The following MYO1E variants were observed in gnomAD, a reference collection of about 807,000 sequenced individuals.
The protein encoded by MYO1E is unconventional myosin-Ie.
Under a neutral mutation model 151.1 loss-of-function variants are expected in MYO1E, and 68 were observed. The observed-to-expected ratio is 0.45, with a 90% CI of 0.37 to 0.55. The LOEUF (loss-of-function observed/expected upper bound fraction) is 0.55. MYO1E is among the 20% of genes least tolerant of loss of function. The pLI is 0.00. For synonymous variants in MYO1E, 601 were observed against 501.7 expected (o/e 1.20, Z -2.64); for missense variants, 1,363 against 1,389.3 (o/e 0.98, Z 0.30).
intron 18 of MYO1E, among the ~76,000 whole-genome samples, chr15:59,185,910 C>T (rs1295295958): frequency 2.6e-5 from 4 of 152,084 alleles, no homozygotes; most frequent in East Asian, 1.9e-4. Flanking sequence ...GGACAGACTT[C>T]GCAGCAAAGA....
chr15:59,148,975 T>C (rs2079457984), intron 26 of MYO1E, among the ~76,000 whole-genome samples: 1 of 151,662 alleles, frequency 6.6e-6, no homozygotes, highest in African/African-American at 2.4e-5. Context: ...ATTTCAGTTA[T>C]AGGAGGGAAA....
intron 2 of MYO1E, among the ~76,000 whole-genome samples, chr15:59,262,461 A>G (rs1163545052): frequency 1.3e-5 from 2 of 152,008 alleles, no homozygotes; most frequent in Non-Finnish European, 2.9e-5. Context: ...TAAAAAAACA[A>G]AAACAAAAAC....
chr15:59,304,000 T>TA (rs2080499703), intron 1 of MYO1E, among the ~76,000 whole-genome samples: 1 of 150,692 alleles, frequency 6.6e-6, no homozygotes, highest in Non-Finnish European at 1.5e-5. Context: ...TTTTTTTTTT[T>TA]AGAGGGAGTT....
rs566576202 is a variant in MYO1E at position 59,168,502 on chromosome 15, G to A, written c.2480+3395C>T. Among the ~76,000 whole-genome samples the A allele has an allele frequency of 4.6e-5, 7 of 152,132 alleles. 1 individual carries two copies. The highest frequency in any genetic ancestry group is 1.9e-4 in the East Asian group (1 of 5,178). ...CGAGGCTGCAGTGAGCCGAGATTGCGCCACTGCACTCCAGCCTGGGTGGCA... is the reference window on the plus strand; with the variant it reads ...CGAGGCTGCAGTGAGCCGAGATTGCACCACTGCACTCCAGCCTGGGTGGCA... On this transcript the variant is annotated intron_variant, in intron 22 of 27. Transcript: ENST00000288235.
intron 1 of MYO1E, among the ~76,000 whole-genome samples, chr15:59,293,150 A>T (rs2080429622): frequency 6.6e-6 from 1 of 152,190 alleles, no homozygotes; most frequent in Non-Finnish European, 1.5e-5. Flanking sequence ...TAGGAAAAGA[A>T]GGGCAACGGA....
At chr15:59,303,346 C>T (rs1025957160) in intron 1 of MYO1E, among the ~76,000 whole-genome samples, 1 of 151,934 alleles carries the variant, frequency 6.6e-6, no homozygotes, top group East Asian at 1.9e-4. Flanking sequence ...GCCAGGAGGT[C>T]GAGGCTGCAG....
chr15:59,340,946 G>C (rs1215249666), intron 1 of MYO1E, among the ~76,000 whole-genome samples: 1 of 150,104 alleles, frequency 6.7e-6, no homozygotes, highest in African/African-American at 2.5e-5. Context: ...TTGAACAGGG[G>C]AGGCAGAGGT....
chr15:59,163,239 A>G lies in MYO1E; in HGVS notation c.2545T>C (p.Phe849Leu), dbSNP rs758582151. 6 of 1,614,022 alleles carry G rather than the reference A, an allele frequency of 3.7e-6. No individual in the cohort carries two copies. The highest frequency in any genetic ancestry group is 3.3e-5 in the South Asian group (3 of 91,076). ...AAGAGGCTTAGGAATTCAGTTTTGAAGACAGATTCAAGCAAACTGTCATAC... is the reference window on the plus strand; with the variant it reads ...AAGAGGCTTAGGAATTCAGTTTTGAGGACAGATTCAAGCAAACTGTCATAC... ...QEYDSLLESV[F>L]KTEFLSLLAK... Residue 849 changes from phenylalanine (F) to leucine (L), a missense_variant, in exon 23 of 28, where the codon TTC becomes CTC. By Grantham distance (22) the Phe-to-Leu change is conservative. Coordinates refer to ENST00000288235, the MANE Select transcript of MYO1E (RefSeq NM_004998.4).
intron 1 of MYO1E, among the ~76,000 whole-genome samples, chr15:59,357,254 A>G (rs12916349): frequency 1.3e-5 from 2 of 151,936 alleles, no homozygotes; most frequent in Non-Finnish European, 2.9e-5. Flanking sequence ...ATTGGAAGTC[A>G]AGAAACAACG....
chr15:59,255,099 C>T (rs1461267601), intron 4 of MYO1E, among the ~76,000 whole-genome samples: 1 of 150,048 alleles, frequency 6.7e-6, no homozygotes, highest in African/African-American at 2.5e-5. Flanking sequence ...AGGTATAAGC[C>T]TTTTTTTTTG....
At chr15:59,199,655 T>C (rs183052804) in intron 16 of MYO1E, among the ~76,000 whole-genome samples, 4 of 152,334 alleles carry the variant, frequency 2.6e-5, no homozygotes, top group East Asian at 1.9e-4. Context: ...ATGAATATTC[T>C]ATTAGTTAAA....
intron 1 of MYO1E, among the ~76,000 whole-genome samples, chr15:59,295,485 C>T (rs2080443419): frequency 6.6e-6 from 1 of 152,178 alleles, no homozygotes; most frequent in African/African-American, 2.4e-5. Flanking sequence ...GCACTACAGA[C>T]AGGAAACAGG....
In MYO1E at chr15:59,137,011, C is replaced by T. The variant is rs1322337166; in HGVS notation, c.*369G>A. The T allele has an allele frequency of 7.1e-5, 26 of 368,218 alleles. No homozygotes were observed. The highest frequency in any genetic ancestry group is 1.1e-4 in the Non-Finnish European group (21 of 188,928). 22.8% of individuals were successfully genotyped at this position (368,218 alleles called of 1,614,324 possible). A position where few individuals can be genotyped will look rare whatever the true frequency, so the allele number is the denominator to read the frequency against. The stretch of plus-strand genomic sequence containing the variant: ...CTCTTCAACTAAAGGCACTTGTCAG[C>T]GGCCACCTACAGCCATTCTCTAGGC... On this transcript the variant is annotated 3_prime_UTR_variant, in exon 28 of 28. Transcript: ENST00000288235.
At chr15:59,201,113 T>TA (rs1165044725) in intron 16 of MYO1E, among the ~76,000 whole-genome samples, 2 of 151,872 alleles carry the variant, frequency 1.3e-5, no homozygotes, top group African/African-American at 2.4e-5. Context: ...AAAACTATTT[T>TA]TTTTTTTTTT....
chr15:59,208,070 A>G (rs1351309372), intron 14 of MYO1E: 4 of 1,582,230 alleles, frequency 2.5e-6, no homozygotes, highest in East Asian at 2.2e-5. Flanking sequence ...GAAATTCAGA[A>G]TAAGCTTAAG....
chr15:59,213,255 C>A (rs1351711206), intron 12 of MYO1E, among the ~76,000 whole-genome samples: 1 of 151,952 alleles, frequency 6.6e-6, no homozygotes, highest in Non-Finnish European at 1.5e-5. Flanking sequence ...ACTGCAACCT[C>A]TGCCTCCTGG....
chr15:59,198,012 C>G (rs2079778429), intron 16 of MYO1E, among the ~76,000 whole-genome samples: 1 of 152,086 alleles, frequency 6.6e-6, no homozygotes, highest in Non-Finnish European at 1.5e-5. Flanking sequence ...GAAGCACATG[C>G]CACCACACCC....
At chr15:59,307,826 T>C (rs1284254293) in intron 1 of MYO1E, among the ~76,000 whole-genome samples, 1 of 151,676 alleles carries the variant, frequency 6.6e-6, no homozygotes, top group African/African-American at 2.4e-5. Flanking sequence ...GTCAGGCTGG[T>C]CTTGAACTCC....
chr15:59,244,271 T>A (rs2080116610), intron 4 of MYO1E, among the ~76,000 whole-genome samples: 1 of 152,240 alleles, frequency 6.6e-6, no homozygotes. Flanking sequence ...CCCAGCCTGA[T>A]GCAGTCAGAG....
Sources: allele counts gnomAD v4.1 joint callset (sites outside exome capture counted in the v4.1 genomes callset), GRCh38; gene constraint gnomAD v4.1.1; transcripts MANE v1.5; gene names NCBI Gene and HGNC (gene_info 2026-07-23, HGNC 2026-07-21).